The following CAMSAP1 variants were observed in gnomAD, a reference collection of about 807,000 sequenced individuals.
CAMSAP1 encodes the protein calmodulin regulated spectrin associated protein 1.
Under a neutral mutation model 143.5 loss-of-function variants are expected in CAMSAP1, and 58 were observed. The ratio of observed to expected loss-of-function variants is 0.40; its 90% confidence interval spans 0.33 to 0.50. The LOEUF is 0.50. Among genes scored for constraint, CAMSAP1 ranks in the 20% least tolerant of loss-of-function variants. The pLI is 0.45. For synonymous variants in CAMSAP1, 945 were observed against 859.3 expected, an observed-to-expected ratio of 1.10 and a Z score of -1.74; for missense variants, 1,969 against 2,115.7, an observed-to-expected ratio of 0.93 and a Z score of 1.36.
At chr9:135,901,358 T>C (rs1230526672) in intron 1 of CAMSAP1, among the ~76,000 whole-genome samples, 2 of 152,180 alleles carry the variant, frequency 1.3e-5, no homozygotes, top group Non-Finnish European at 2.9e-5. Context: ...TCCCAGCACT[T>C]TGGGAGGCCA....
intron 1 of CAMSAP1, among the ~76,000 whole-genome samples, chr9:135,886,743 G>A (rs576062272): frequency 2.6e-5 from 4 of 152,214 alleles, no homozygotes; most frequent in East Asian, 1.9e-4. Context: ...GAGAATGAGC[G>A]TGGACCCAGG....
chr9:135,819,171 C>A lies in CAMSAP1; in HGVS notation c.3823-25G>T, dbSNP rs1471430260. On this transcript the variant is annotated intron_variant, in intron 11 of 16. Coordinates refer to ENST00000389532, the MANE Select transcript of CAMSAP1 (RefSeq NM_015447.4). ...CCTGCAAGACAGAGGCCACACAGAG[C>A]ATGACAGGAACCCCCTCAGACGCCG... The A allele has an allele frequency of 2.5e-6, 4 of 1,589,864 alleles. No homozygotes were observed. The South Asian group carries it at 3.4e-5, about 14-fold the overall frequency.
In CAMSAP1 at chr9:135,874,645, T is replaced by A. The variant is rs370671480; in HGVS notation, c.585+6988A>T. ...TTCACCAATTCTATTCAATATTCTA[T>A]CTGAGGTACTAAACAGTACAGTAAG... On this transcript the variant is annotated intron_variant, in intron 3 of 16. Transcript: ENST00000389532. Among the ~76,000 whole-genome samples the A allele has an allele frequency of 3.9e-5, 6 of 151,930 alleles. No individual in the cohort carries two copies. In the South Asian group the frequency reaches 1.2e-3, roughly 32 times the overall value.
At chr9:135,887,771 T>C (rs1588505560) in intron 1 of CAMSAP1, among the ~76,000 whole-genome samples, 1 of 150,682 alleles carries the variant, frequency 6.6e-6, no homozygotes, top group Admixed American at 6.6e-5. Context: ...GGGGGCAGAG[T>C]GAAAGTCAAA....
rs767495608 is a variant in CAMSAP1, at chr9:135,868,609, A to ATT, written c.586-2075_586-2074dup. 3.7e-3 allele frequency among the ~76,000 whole-genome samples: 344 copies of ATT among 93,468 alleles called. 28 individuals are homozygous for ATT. The highest frequency in any genetic ancestry group is 9.5e-3 in the African/African-American group (206 of 21,574). 61.3% of individuals were successfully genotyped at this position (93,468 alleles called of 152,430 possible). On this transcript the variant is annotated intron_variant, in intron 3 of 16. Transcript: ENST00000389532. Reference sequence around the variant, plus strand: ...AAAGGCTTTTCTGATGAGATTGGCAATTTTTTTTTTTTTTTTTTTTTTTTT... The same window carrying ATT: ...AAAGGCTTTTCTGATGAGATTGGCAATTTTTTTTTTTTTTTTTTTTTTTTTTT...
At chr9:135,903,083 T>C (rs1457325865) in intron 1 of CAMSAP1, among the ~76,000 whole-genome samples, 1 of 152,194 alleles carries the variant, frequency 6.6e-6, no homozygotes, top group East Asian at 1.9e-4. Flanking sequence ...AACCAAGGCC[T>C]AGATACCTCT....
chr9:135,896,178 T>G (rs957570098), intron 1 of CAMSAP1, among the ~76,000 whole-genome samples: 5 of 152,030 alleles, frequency 3.3e-5, no homozygotes, highest in African/African-American at 1.2e-4. Flanking sequence ...CACTTCAAAT[T>G]CAACAACTTA....
At chr9:135,850,609 A>C in intron 5 of CAMSAP1, 148 bp from the exon 6 acceptor site, 1 of 602,476 alleles carries the variant, frequency 1.7e-6, no homozygotes, top group Non-Finnish European at 2.7e-6. Flanking sequence ...GATGTACAAC[A>C]AGTAACACTA....
At chr9:135,828,279 GA>G (rs1304272320) in intron 7 of CAMSAP1, among the ~76,000 whole-genome samples, 3 of 152,270 alleles carry the variant, frequency 2.0e-5, no homozygotes, top group Admixed American at 6.5e-5. Flanking sequence ...AAGAAGGCAA[GA>G]GGTGGGGCCA....
chr9:135,823,316 A>C (rs3824355), intron 10 of CAMSAP1, 56 bp from the exon 11 acceptor site: 1 of 1,504,672 alleles, frequency 6.6e-7, no homozygotes, highest in Non-Finnish European at 8.9e-7. Flanking sequence ...AAGACCCCCA[A>C]CATGGACCAG....
Position 135,818,205 on chromosome 9 carries a change from T to A in CAMSAP1, c.4169-126A>T, listed in dbSNP as rs1297009112. On this transcript the variant is annotated intron_variant, in intron 13 of 16. Transcript: ENST00000389532. This position sits in a 1 kb window ranked among gnomAD's most constrained non-coding sequence, Gnocchi z 7.7. ...CCACACAGGCCGCGTCCCCACCCCA[T>A]CCCGGGGAGCCGGGCTGCGCCTGGA... The A allele has an allele frequency of 1.7e-6, 2 of 1,172,096 alleles. No homozygotes were observed. The highest frequency in any genetic ancestry group is 2.6e-5 in the East Asian group (1 of 38,920). The allele number at this position is 1,172,096 out of a possible 1,614,324, so 72.6% of individuals were successfully genotyped here. A position where few individuals can be genotyped will look rare whatever the true frequency, so the allele number is the denominator to read the frequency against.
intron 10 of CAMSAP1, 133 bp from the exon 11 acceptor site, chr9:135,823,393 TC>T: frequency 9.9e-7 from 1 of 1,005,734 alleles, no homozygotes; most frequent in African/African-American, 1.6e-5. Flanking sequence ...AACTCACTCT[TC>T]CACAGAGCAG....
chr9:135,819,577 T>C (rs1288314475), intron 11 of CAMSAP1, among the ~76,000 whole-genome samples: 1 of 150,398 alleles, frequency 6.6e-6, no homozygotes, highest in Non-Finnish European at 1.5e-5. Context: ...CTCACGCCTG[T>C]AATCCTAGCA....
rs1835047718 is a variant in CAMSAP1, at chr9:135,811,475, G to A, written c.4643C>T (p.Thr1548Ile). ...ATACAGTTTGTCGATCATTTTCTTG[G>A]TGATGTTCTTTGGCCCCGTGCCAGT... ...KLTGTGPKNI[T>I]KKMIDKLYKY... The change falls in exon 17 of 17, where the codon ACC becomes ATC. Residue 1548 changes from threonine to isoleucine, a missense_variant. By Grantham distance (89) the Thr-to-Ile change is moderately conservative. This residue lies in a region of CAMSAP1 where 143 missense variants were observed against 200.6 expected (regional missense o/e 0.71). Transcript: ENST00000389532. This position sits in a 1 kb window ranked among gnomAD's most constrained non-coding sequence, Gnocchi z 4.9. 2 of 1,611,880 alleles carry A rather than the reference G, an allele frequency of 1.2e-6. No homozygotes were observed. The highest frequency in any genetic ancestry group is 8.5e-7 in the Non-Finnish European group (1 of 1,178,876).
intron 1 of CAMSAP1, among the ~76,000 whole-genome samples, chr9:135,888,238 C>T (rs1010206828): frequency 3.9e-5 from 6 of 152,208 alleles, no homozygotes; most frequent in African/African-American, 4.8e-5. Context: ...TGGATGCACA[C>T]GGGAGTCTCA....
chr9:135,836,575 A>C (rs1836051123), intron 7 of CAMSAP1: 1 of 970,914 alleles, frequency 1.0e-6, no homozygotes, highest in Non-Finnish European at 1.2e-6. Context: ...ACACATCACC[A>C]CACACTTTCT....
At chr9:135,863,277 C>CAT (rs975585582) in intron 4 of CAMSAP1, among the ~76,000 whole-genome samples, 18 of 152,140 alleles carry the variant, frequency 1.2e-4, no homozygotes, top group African/African-American at 4.3e-4. Context: ...TTCTGCACTC[C>CAT]ATCAAACCCT....
At chr9:135,839,884 T>C (rs924080200) in intron 7 of CAMSAP1, among the ~76,000 whole-genome samples, 2 of 151,168 alleles carry the variant, frequency 1.3e-5, no homozygotes, top group African/African-American at 4.9e-5. Context: ...CAGTTAACAG[T>C]GGGTCAACTG....
intron 5 of CAMSAP1, among the ~76,000 whole-genome samples, chr9:135,861,744 A>G (rs1362026380): frequency 3.3e-5 from 5 of 152,230 alleles, no homozygotes; most frequent in Non-Finnish European, 7.3e-5. Context: ...AAATGTTTCC[A>G]TATTAGTTTG....
Sources: gnomAD v4.1 joint callset for allele counts (sites outside exome capture counted in the v4.1 genomes callset) on GRCh38, gnomAD v4.1.1 for gene constraint, gnomAD v4.1.1 regional missense constraint, Gnocchi (gnomAD v3.1) non-coding constraint, MANE v1.5 for transcripts, NCBI Gene and HGNC (gene_info 2026-07-23, HGNC 2026-07-21) for gene names.